Variants in PTPN12 observed in about 807,000 individuals in gnomAD.
PTPN12 encodes the protein tyrosine-protein phosphatase non-receptor type 12.
PTPN12 carries 29 observed loss-of-function variants against 97.6 expected under a neutral mutation model. The observed-to-expected ratio is 0.30, with a 90% CI of 0.22 to 0.41. PTPN12 has a LOEUF of 0.41. Among genes scored for constraint, PTPN12 ranks in the 10% least tolerant of loss-of-function variants. The pLI is 1.00. For synonymous variants in PTPN12, 327 were observed against 300.4 expected, an observed-to-expected ratio of 1.09 and a Z score of -0.91; for missense variants, 819 against 926.0, an observed-to-expected ratio of 0.88 and a Z score of 1.50.
intron 14 of PTPN12, among the ~76,000 whole-genome samples, chr7:77,633,965 G>A (rs753700523): frequency 2.6e-5 from 4 of 152,156 alleles, no homozygotes; most frequent in Non-Finnish European, 4.4e-5. Context: ...AGAGGTTGCA[G>A]CGAGCTGAGA....
At chr7:77,591,068 T>C (rs532580944) in intron 5 of PTPN12, among the ~76,000 whole-genome samples, 12 of 152,254 alleles carry the variant, frequency 7.9e-5, no homozygotes, top group African/African-American at 2.9e-4. Flanking sequence ...TTAATCATTT[T>C]CTGTAAACAT....
At chr7:77,582,081 G>GTTTTTTTT (rs1237836254) in intron 3 of PTPN12, among the ~76,000 whole-genome samples, 43 of 74,310 alleles carry the variant, frequency 5.8e-4, no homozygotes, top group Admixed American at 9.0e-4. Flanking sequence ...AAGCAGTCAA[G>GTTTTTTTT]TTCTTTTTTT....
At chr7:77,559,766 A>G (rs1014016816) in intron 1 of PTPN12, among the ~76,000 whole-genome samples, 1 of 152,080 alleles carries the variant, frequency 6.6e-6, no homozygotes, top group African/African-American at 2.4e-5. Flanking sequence ...ATCAATGTCT[A>G]TTACGTCTAG....
At chr7:77,628,729 G>T (rs1789291350) in intron 13 of PTPN12, among the ~76,000 whole-genome samples, 1 of 151,870 alleles carries the variant, frequency 6.6e-6, no homozygotes, top group Non-Finnish European at 1.5e-5. Flanking sequence ...GTAGAGACAG[G>T]GTTTCGATAT....
At chr7:77,587,531 A>C (rs1204495210) in intron 5 of PTPN12, among the ~76,000 whole-genome samples, 2 of 152,222 alleles carry the variant, frequency 1.3e-5, no homozygotes, top group Non-Finnish European at 2.9e-5. Context: ...CCATTTATAG[A>C]GGACAGACAG....
At position 77,610,945 on chromosome 7, in the gene PTPN12, T is replaced by C. The variant is rs1412502250; in HGVS notation, c.841-3T>C. 1.2e-6 allele frequency: 2 copies of C among 1,600,258 alleles called. No homozygotes were observed. The highest frequency in any genetic ancestry group is 1.7e-6 in the Non-Finnish European group (2 of 1,174,310). ...GTTTTTTAATCATTTTTCTCCTTCA[T>C]AGGAGCAATATGAACTTGTTCATAG... is the stretch of plus-strand genomic sequence containing the variant. On this transcript the variant is annotated splice_region_variant and splice_polypyrimidine_tract_variant and intron_variant, in intron 10 of 17. Transcript: ENST00000248594.
intron 5 of PTPN12, 66 bp from the exon 6 acceptor site, chr7:77,592,119 A>G: frequency 7.2e-7 from 1 of 1,393,830 alleles, no homozygotes; most frequent in Non-Finnish European, 1.0e-6. Context: ...CAGGACACAA[A>G]ATATTTATAA....
At chr7:77,632,541 A>G in intron 14 of PTPN12, 116 bp downstream of exon 14, 1 of 750,188 alleles carries the variant, frequency 1.3e-6, no homozygotes, top group East Asian at 2.6e-5. Context: ...AAAAACAAGT[A>G]AATTGATGTT....
intron 2 of PTPN12, among the ~76,000 whole-genome samples, chr7:77,575,043 A>G (rs1584131976): frequency 6.6e-6 from 1 of 151,956 alleles, no homozygotes; most frequent in South Asian, 2.1e-4. Context: ...CATGTCGGCC[A>G]GGCTGGTCTC....
intron 1 of PTPN12, among the ~76,000 whole-genome samples, chr7:77,553,587 C>T (rs1313204291): frequency 6.6e-6 from 1 of 152,174 alleles, no homozygotes; most frequent in African/African-American, 2.4e-5. Context: ...TCTGCTTTAT[C>T]TGAAATTAAT....
chr7:77,553,028 A>C (rs1807549423), intron 1 of PTPN12, among the ~76,000 whole-genome samples: 1 of 152,218 alleles, frequency 6.6e-6, no homozygotes, highest in Non-Finnish European at 1.5e-5. Context: ...TTGGTGACAG[A>C]GACAGAAAGA....
At chr7:77,546,406 T>C (rs1464716329) in intron 1 of PTPN12, among the ~76,000 whole-genome samples, 1 of 152,244 alleles carries the variant, frequency 6.6e-6, no homozygotes, top group African/African-American at 2.4e-5. Flanking sequence ...ATGCAATTTC[T>C]AAACCACTAG....
chr7:77,563,316 A>G (rs191869090), intron 1 of PTPN12, among the ~76,000 whole-genome samples: 2 of 152,320 alleles, frequency 1.3e-5, no homozygotes, highest in Non-Finnish European at 2.9e-5. Flanking sequence ...TTGTTATGGG[A>G]TTATGCTGAT....
At chr7:77,622,208 G>A (rs1246299741) in intron 12 of PTPN12, among the ~76,000 whole-genome samples, 1 of 152,154 alleles carries the variant, frequency 6.6e-6, no homozygotes, top group African/African-American at 2.4e-5. Context: ...ACCCATTTTG[G>A]CCTCCCAAAG....
In PTPN12 at chr7:77,585,481, A is replaced by G. The variant is rs1787659377; in HGVS notation, c.382-62A>G. On this transcript the variant is annotated intron_variant, in intron 4 of 17. Coordinates refer to ENST00000248594, the MANE Select transcript of PTPN12 (RefSeq NM_002835.4). Reference sequence around the variant, plus strand: ...AAATTCTTGAAATCTGTATTTTATTAAAAAGTAAAATTGTGTTTAACTGAT... The same window carrying G: ...AAATTCTTGAAATCTGTATTTTATTGAAAAGTAAAATTGTGTTTAACTGAT... The G allele has an allele frequency of 1.2e-5, 17 of 1,439,514 alleles. No homozygotes were observed. The East Asian group carries it at 3.7e-4, about 31-fold the overall frequency. The allele number at this position is 1,439,514 out of a possible 1,614,324, so 89.2% of individuals were successfully genotyped here. A position where few individuals can be genotyped will look rare whatever the true frequency, so the allele number is the denominator to read the frequency against.
At position 77,571,137 on chromosome 7, in the gene PTPN12, A is replaced by G. The variant is rs764526702; in HGVS notation, c.159A>G (p.Gly53=). The change falls in exon 2 of 18, where the codon GGA becomes GGG. Residue 53 remains glycine, a synonymous_variant. Transcript: ENST00000248594. ...AAAAGATATATCCCACAGCCACTGG[A>G]GAAAAAGAAGAAAATGTTAAAAAGA... ...RTEKIYPTAT[G]EKEENVKKNR... is the part of the protein sequence containing the mutation. The G allele has an allele frequency of 6.2e-7, 1 of 1,605,154 alleles. No individual in the cohort carries two copies. The highest frequency in any genetic ancestry group is 8.5e-7 in the Non-Finnish European group (1 of 1,175,398).
At chr7:77,567,532 T>C (rs1283060463) in intron 1 of PTPN12, among the ~76,000 whole-genome samples, 1 of 152,196 alleles carries the variant, frequency 6.6e-6, no homozygotes, top group Non-Finnish European at 1.5e-5. Flanking sequence ...CATGGGATTT[T>C]TTTTAAAGTA....
rs1789730690 is a variant in PTPN12, at chr7:77,639,751, T to C, written c.*471T>C. 1 of 153,084 alleles carries C rather than the reference T, an allele frequency of 6.5e-6. No homozygotes were observed. The allele number at this position is 153,084 out of a possible 1,614,324, so 9.5% of individuals were successfully genotyped here. On this transcript the variant is annotated 3_prime_UTR_variant, in exon 18 of 18. Coordinates refer to ENST00000248594, the MANE Select transcript of PTPN12 (RefSeq NM_002835.4). ...TTATTTGCCCTGGAGTTTTAGAAAA[T>C]AGTTTCTGAATTTTAAACTTGCTGG...
At chr7:77,576,253 C>CAT (rs2151325124) in intron 2 of PTPN12, among the ~76,000 whole-genome samples, 1 of 152,258 alleles carries the variant, frequency 6.6e-6, no homozygotes, top group African/African-American at 2.4e-5. Flanking sequence ...GAATGATGAA[C>CAT]ATATTGAATA....
Sources: gnomAD v4.1 joint callset for allele counts (sites outside exome capture counted in the v4.1 genomes callset) on GRCh38, gnomAD v4.1.1 for gene constraint, MANE v1.5 for transcripts, NCBI Gene and HGNC (gene_info 2026-07-23, HGNC 2026-07-21) for gene names.